Variants in BTBD9 observed in about 807,000 individuals in gnomAD.
BTBD9 encodes the protein BTB domain containing 9.
A neutral mutation model predicts 64.3 loss-of-function variants in BTBD9; 49 were observed. That is an observed-to-expected ratio of 0.76 (90% CI 0.61 to 0.97). BTBD9 has a LOEUF of 0.97. Among genes scored for constraint, BTBD9 ranks in the 50% least tolerant of loss-of-function variants. The pLI, the probability that BTBD9 is intolerant of heterozygous loss-of-function variation, is 0.00. For synonymous variants in BTBD9, 260 were observed against 274.7 expected (o/e 0.95, Z 0.53); for missense variants, 598 against 762.1 (o/e 0.78, Z 2.53).
chr6:38,501,819 C>T (rs1030249897), intron 6 of BTBD9, among the ~76,000 whole-genome samples: 1 of 151,954 alleles, frequency 6.6e-6, no homozygotes, highest in African/African-American at 2.4e-5. Context: ...ATTTGCAAGG[C>T]TACTCTCTCC....
At chr6:38,307,530 T>C (rs1762670576) in intron 7 of BTBD9, among the ~76,000 whole-genome samples, 1 of 152,212 alleles carries the variant, frequency 6.6e-6, no homozygotes, top group Admixed American at 6.5e-5. Flanking sequence ...CCTGACCACC[T>C]CTCCATACCT....
Position 38,523,255 on chromosome 6 carries a change from C to T in BTBD9, c.1154+54345G>A, listed in dbSNP as rs574628275. ...ACACCTCTTGCAGACACCTCTTCTT[C>T]TCCATTTTTACTGTACTACCCCAGT... On this transcript the variant is annotated intron_variant, in intron 6 of 10. Transcript: ENST00000481247. Among the ~76,000 whole-genome samples the T allele has an allele frequency of 1.5e-4, 23 of 152,240 alleles. No homozygotes were observed. In the East Asian group the frequency reaches 4.1e-3, roughly 27 times the overall value.
chr6:38,471,273 C>A (rs1770639935), intron 6 of BTBD9, among the ~76,000 whole-genome samples: 1 of 152,156 alleles, frequency 6.6e-6, no homozygotes, highest in Non-Finnish European at 1.5e-5. Context: ...GCACAATAAT[C>A]ATTTCAACTG....
At chr6:38,236,798 T>C (rs1763793843) in intron 9 of BTBD9, among the ~76,000 whole-genome samples, 2 of 152,192 alleles carry the variant, frequency 1.3e-5, no homozygotes, top group South Asian at 4.1e-4. Context: ...GTGGATTCAG[T>C]TCCGCATGCA....
intron 10 of BTBD9, chr6:38,179,269 C>G (rs774261233): frequency 5.7e-6 from 2 of 353,174 alleles, no homozygotes; most frequent in South Asian, 2.1e-5. Context: ...GACAACAAAC[C>G]TTTAAACCTT....
chr6:38,422,743 C>A (rs1352831039), intron 6 of BTBD9, among the ~76,000 whole-genome samples: 1 of 152,184 alleles, frequency 6.6e-6, no homozygotes, highest in Non-Finnish European at 1.5e-5. Context: ...TTATTTTACA[C>A]AGGGTTTTCT....
intron 6 of BTBD9, among the ~76,000 whole-genome samples, chr6:38,558,724 A>T (rs1301987217): frequency 6.6e-6 from 1 of 152,232 alleles, no homozygotes; most frequent in Non-Finnish European, 1.5e-5. Context: ...CTTGCATCCC[A>T]GGAATAAAGC....
At chr6:38,384,470 T>C (rs576345697) in intron 6 of BTBD9, among the ~76,000 whole-genome samples, 54 of 152,290 alleles carry the variant, frequency 3.5e-4, no homozygotes, top group Non-Finnish European at 6.6e-4. Flanking sequence ...CTTTTGGATA[T>C]GCAAAATGTA....
intron 5 of BTBD9, among the ~76,000 whole-genome samples, chr6:38,578,579 T>C (rs780847825): frequency 2.6e-5 from 4 of 152,222 alleles, no homozygotes; most frequent in Non-Finnish European, 4.4e-5. Flanking sequence ...TTATTTTGTG[T>C]CATCCCCTCA....
chr6:38,498,867 G>A (rs1461726777), intron 6 of BTBD9, among the ~76,000 whole-genome samples: 2 of 151,996 alleles, frequency 1.3e-5, no homozygotes, highest in African/African-American at 4.8e-5. Context: ...AAAACAAATG[G>A]AGCCCTAAAG....
At chr6:38,624,113 A>G (rs1401924718) in intron 1 of BTBD9, among the ~76,000 whole-genome samples, 1 of 152,174 alleles carries the variant, frequency 6.6e-6, no homozygotes, top group African/African-American at 2.4e-5. Context: ...AGGATTGTAA[A>G]ACGCACCAAT....
At chr6:38,542,865 A>G (rs1774351455) in intron 6 of BTBD9, among the ~76,000 whole-genome samples, 1 of 152,334 alleles carries the variant, frequency 6.6e-6, no homozygotes, top group African/African-American at 2.4e-5. Flanking sequence ...GATCTGTTTA[A>G]TACTTTTGTA....
intron 7 of BTBD9, among the ~76,000 whole-genome samples, chr6:38,322,259 A>G (rs957346120): frequency 1.3e-5 from 2 of 152,010 alleles, no homozygotes; most frequent in Admixed American, 1.3e-4. Flanking sequence ...CATCTCCAAG[A>G]TACTCTTCCG....
intron 6 of BTBD9, among the ~76,000 whole-genome samples, chr6:38,568,010 A>G (rs1015768141): frequency 3.9e-5 from 6 of 152,206 alleles, no homozygotes; most frequent in Non-Finnish European, 8.8e-5. Context: ...ATGAGCCACT[A>G]CCACCAAAGG....
At chr6:38,312,884 T>G (rs931916524) in intron 7 of BTBD9, among the ~76,000 whole-genome samples, 5 of 152,212 alleles carry the variant, frequency 3.3e-5, no homozygotes, top group African/African-American at 1.2e-4. Flanking sequence ...TCTTTGGCTA[T>G]TCCAGGTCTT....
intron 9 of BTBD9, among the ~76,000 whole-genome samples, chr6:38,223,344 A>AT (rs773028198): frequency 1.3e-5 from 2 of 152,096 alleles, no homozygotes; most frequent in Non-Finnish European, 1.5e-5. Flanking sequence ...AGTTATTTGT[A>AT]TTTTTTTAGA....
chr6:38,234,743 C>T (rs966365192), intron 9 of BTBD9, among the ~76,000 whole-genome samples: 1 of 152,194 alleles, frequency 6.6e-6, no homozygotes, highest in African/African-American at 2.4e-5. Flanking sequence ...CTCGGCTAAT[C>T]GGCGGCAGAA....
chr6:38,528,912 G>A (rs1265686490), intron 6 of BTBD9, among the ~76,000 whole-genome samples: 3 of 152,148 alleles, frequency 2.0e-5, no homozygotes, highest in Admixed American at 6.5e-5. Flanking sequence ...AGAGACAAGA[G>A]TAAATGGGAC....
intron 6 of BTBD9, among the ~76,000 whole-genome samples, chr6:38,441,699 G>A (rs937885245): frequency 6.6e-6 from 1 of 152,130 alleles, no homozygotes; most frequent in African/African-American, 2.4e-5. Flanking sequence ...TTAAAGGCAT[G>A]AGCCACCACA....
Sources: allele counts gnomAD v4.1 joint callset (sites outside exome capture counted in the v4.1 genomes callset), GRCh38; gene constraint gnomAD v4.1.1; transcripts MANE v1.5; gene names NCBI Gene and HGNC (gene_info 2026-07-23, HGNC 2026-07-21).